Variants in SPMAP2L observed in about 807,000 individuals in gnomAD.
SPMAP2L encodes sperm microtubule associated protein 2 like.
the SPMAP2L span, among the ~76,000 whole-genome samples, chr4:56,543,945 A>T: frequency 2.3e-3 from 306 of 132,950 alleles, 2 homozygotes; most frequent in African/African-American, 8.4e-3. Context: ...AGAGAGAGAG[A>T]GAGAGTGTGT....
chr4:56,572,043 T>A, the SPMAP2L span, among the ~76,000 whole-genome samples: 6 of 152,014 alleles, frequency 3.9e-5, no homozygotes, highest in African/African-American at 1.5e-4. Context: ...TTACAGTTAA[T>A]TTTTTTTATA....
the SPMAP2L span, among the ~76,000 whole-genome samples, chr4:56,541,004 C>T: frequency 2.0e-5 from 3 of 152,154 alleles, no homozygotes; most frequent in South Asian, 2.1e-4. Context: ...GGTTCTGTTG[C>T]GAAGAGCACT....
the SPMAP2L span, chr4:56,575,422 C>A: frequency 6.9e-7 from 1 of 1,442,862 alleles, no homozygotes; most frequent in South Asian, 1.3e-5. Flanking sequence ...TCCCCTAGGC[C>A]TGGGGATCGA....
chr4:56,550,422 G>T, the SPMAP2L span, among the ~76,000 whole-genome samples: 1 of 152,256 alleles, frequency 6.6e-6, no homozygotes, highest in African/African-American at 2.4e-5. Flanking sequence ...AGATAGGACA[G>T]ATATATCAAC....
At chr4:56,563,351 G>GC in the SPMAP2L span, among the ~76,000 whole-genome samples, 2 of 150,766 alleles carry the variant, frequency 1.3e-5, no homozygotes, top group Non-Finnish European at 2.9e-5. Context: ...GGATCTGCCT[G>GC]CCTCGGCCTC....
the SPMAP2L span, chr4:56,592,900 C>T: frequency 2.3e-4 from 372 of 1,608,146 alleles, 3 homozygotes; most frequent in African/African-American, 4.7e-3. Flanking sequence ...TGCTGCAGAT[C>T]TTGGGGCTGG....
At chr4:56,605,057 A>C in the SPMAP2L span, among the ~76,000 whole-genome samples, 1 of 152,214 alleles carries the variant, frequency 6.6e-6, no homozygotes, top group African/African-American at 2.4e-5. Flanking sequence ...TACAGTGTAC[A>C]CTGCTTGGGT....
chr4:56,585,330 G>A, the SPMAP2L span, among the ~76,000 whole-genome samples: 1 of 152,086 alleles, frequency 6.6e-6, no homozygotes, highest in Non-Finnish European at 1.5e-5. Flanking sequence ...TTCTGTATGT[G>A]GACATTACCG....
the SPMAP2L span, among the ~76,000 whole-genome samples, chr4:56,559,672 A>G: frequency 6.6e-6 from 1 of 152,052 alleles, no homozygotes; most frequent in Non-Finnish European, 1.5e-5. Flanking sequence ...GGTTCATGCG[A>G]TTCTCCTGCC....
the SPMAP2L span, chr4:56,595,795 T>C: frequency 3.2e-5 from 25 of 780,484 alleles, no homozygotes; most frequent in Non-Finnish European, 2.4e-6. Context: ...AAAGATTTCA[T>C]CTCCCACCCC....
chr4:56,548,834 GT>G, the SPMAP2L span: 1 of 1,468,762 alleles, frequency 6.8e-7, no homozygotes, highest in Non-Finnish European at 9.0e-7. Context: ...GTAAGACATA[GT>G]TATAGTACTA....
the SPMAP2L span, among the ~76,000 whole-genome samples, chr4:56,532,054 C>A: frequency 6.6e-6 from 1 of 152,292 alleles, no homozygotes; most frequent in Middle Eastern, 3.4e-3. Flanking sequence ...TCTTGCTGTG[C>A]AAAATTGCAC....
the SPMAP2L span, among the ~76,000 whole-genome samples, chr4:56,603,780 A>G: frequency 6.6e-6 from 1 of 152,216 alleles, no homozygotes; most frequent in Non-Finnish European, 1.5e-5. Context: ...TATTACTTAG[A>G]AAAAACACTG....
At chr4:56,562,786 C>CT in the SPMAP2L span, among the ~76,000 whole-genome samples, 5 of 145,146 alleles carry the variant, frequency 3.4e-5, no homozygotes, top group African/African-American at 1.0e-4. Context: ...TTTTCTTCGT[C>CT]TTTTTTTTTA....
the SPMAP2L span, chr4:56,594,394 C>T: frequency 1.9e-6 from 3 of 1,584,538 alleles, no homozygotes; most frequent in African/African-American, 2.7e-5. Flanking sequence ...TTGCAAACAT[C>T]CACCCCTTTG....
chr4:56,622,359 C>T, the SPMAP2L span, among the ~76,000 whole-genome samples: 5,114 of 152,300 alleles, frequency 0.034, 191 homozygotes, highest in African/African-American at 0.089. Context: ...AAAAATACCT[C>T]GCACCCATTG....
chr4:56,593,549 G>A, the SPMAP2L span: 1 of 1,601,692 alleles, frequency 6.2e-7, no homozygotes, highest in Middle Eastern at 1.7e-4. Flanking sequence ...TGACCTTTTA[G>A]CTTTGTGCAT....
At chr4:56,554,194 T>C in the SPMAP2L span, among the ~76,000 whole-genome samples, 2 of 152,230 alleles carry the variant, frequency 1.3e-5, no homozygotes, top group Admixed American at 1.3e-4. Context: ...TATTTAAGTT[T>C]TTAGCTAATT....
At chr4:56,617,930 G>C in the SPMAP2L span, among the ~76,000 whole-genome samples, 1 of 152,178 alleles carries the variant, frequency 6.6e-6, no homozygotes, top group African/African-American at 2.4e-5. Context: ...TGGCTTGCCA[G>C]TGCTTGTTGG....
Sources: gnomAD v4.1 joint callset for allele counts (sites outside exome capture counted in the v4.1 genomes callset) on GRCh38, gnomAD v4.1.1 for gene constraint, MANE v1.5 for transcripts, NCBI Gene and HGNC (gene_info 2026-07-23, HGNC 2026-07-21) for gene names.